Variants in LIMS4 observed in about 807,000 individuals in gnomAD.
LIMS4 encodes the protein LIM and senescent cell antigen-like-containing domain protein 4.
At chr2:110,396,165 T>G in the LIMS4 span, among the ~76,000 whole-genome samples, 18 of 98,886 alleles carry the variant, frequency 1.8e-4, no homozygotes, top group Non-Finnish European at 2.7e-4. Context: ...ACTGTCACTT[T>G]GAATTGTCAC....
chr2:110,367,799 T>A, the LIMS4 span, among the ~76,000 whole-genome samples: 3,597 of 100,650 alleles, frequency 0.036, 2 homozygotes, highest in Middle Eastern at 0.084. Context: ...GGGAAGATTG[T>A]TTGAGCCTGG....
the LIMS4 span, chr2:110,386,619 G>A: frequency 1.5e-6 from 1 of 652,796 alleles, no homozygotes; most frequent in Non-Finnish European, 2.7e-6. Flanking sequence ...GCGCACCCTG[G>A]GCCAGTGCTG....
At chr2:110,397,432 G>A in the LIMS4 span, 1 of 144,866 alleles carries the variant, frequency 6.9e-6, no homozygotes, top group African/African-American at 2.7e-5. Flanking sequence ...TGTACACCAT[G>A]GCCAGAAAGA....
chr2:110,419,653 C>T, the LIMS4 span, among the ~76,000 whole-genome samples: 1 of 6,578 alleles, frequency 1.5e-4, no homozygotes, highest in African/African-American at 1.8e-3. Flanking sequence ...ACAACAACAA[C>T]AACAAAAAAA....
chr2:110,367,397 A>C, the LIMS4 span, among the ~76,000 whole-genome samples: 2,076 of 126,428 alleles, frequency 0.016, 14 homozygotes, highest in East Asian at 0.03. Context: ...ACCATTAGAA[A>C]AGGATAAAGA....
chr2:110,360,704 C>A, the LIMS4 span: 2 of 1,604,298 alleles, frequency 1.2e-6, no homozygotes, highest in East Asian at 2.2e-5. Flanking sequence ...AAAGTTTTTG[C>A]GCACACTTTG....
chr2:110,367,406 G>A, the LIMS4 span, among the ~76,000 whole-genome samples: 4 of 143,992 alleles, frequency 2.8e-5, no homozygotes, highest in African/African-American at 5.7e-5. Flanking sequence ...AAAGGATAAA[G>A]AACCCAGAAA....
At chr2:110,359,151 T>C in the LIMS4 span, 1 of 150,302 alleles carries the variant, frequency 6.7e-6, no homozygotes, top group Non-Finnish European at 1.5e-5. Context: ...CCCACGTTTA[T>C]TTACATATGA....
the LIMS4 span, chr2:110,386,896 C>T: frequency 1.0e-5 from 7 of 678,144 alleles, 1 homozygote; most frequent in South Asian, 9.7e-5. Flanking sequence ...CCATCCAGCC[C>T]CTGTCTGGGA....
At chr2:110,366,954 C>T in the LIMS4 span, among the ~76,000 whole-genome samples, 1 of 143,122 alleles carries the variant, frequency 7.0e-6, no homozygotes, top group Non-Finnish European at 1.5e-5. Context: ...GACACACACA[C>T]ACACACACAC....
chr2:110,386,924 C>G, the LIMS4 span: 1 of 695,972 alleles, frequency 1.4e-6, no homozygotes, highest in South Asian at 1.6e-5. Flanking sequence ...GCTTACCATC[C>G]TGTGCTGGGG....
At chr2:110,382,866 C>T in the LIMS4 span, 3 of 153,618 alleles carry the variant, frequency 2.0e-5, no homozygotes, top group Admixed American at 6.8e-5. Context: ...TGGGCAGTGG[C>T]TGCTGATGGG....
chr2:110,368,933 A>T, the LIMS4 span, among the ~76,000 whole-genome samples: 1 of 132,360 alleles, frequency 7.6e-6, no homozygotes. Flanking sequence ...AGGAAATGCA[A>T]TCTGAAGTAG....
At chr2:110,424,295 A>AG in the LIMS4 span, among the ~76,000 whole-genome samples, 1 of 45,666 alleles carries the variant, frequency 2.2e-5, no homozygotes, top group Non-Finnish European at 4.3e-5. Flanking sequence ...ACCTCCCGAG[A>AG]GGGGGCGCGC....
chr2:110,368,724 A>G, the LIMS4 span, among the ~76,000 whole-genome samples: 1 of 122,512 alleles, frequency 8.2e-6, no homozygotes, highest in Non-Finnish European at 1.6e-5. Context: ...AAATGCCAAC[A>G]GCAGCCAATC....
the LIMS4 span, among the ~76,000 whole-genome samples, chr2:110,371,848 G>T: frequency 2.1e-5 from 3 of 144,746 alleles, 1 homozygote; most frequent in African/African-American, 5.6e-5. Flanking sequence ...TCCTCCACCT[G>T]CCTGAGGAGC....
the LIMS4 span, among the ~76,000 whole-genome samples, chr2:110,368,169 T>TAC: frequency 6.9e-6 from 1 of 145,226 alleles, no homozygotes; most frequent in Non-Finnish European, 1.5e-5. Context: ...TATGTACATA[T>TAC]ACACACACAT....
chr2:110,385,146 C>G, the LIMS4 span, among the ~76,000 whole-genome samples: 1 of 146,872 alleles, frequency 6.8e-6, no homozygotes, highest in Non-Finnish European at 1.5e-5. Context: ...GAGTGTAGGC[C>G]ATGGTGCCTA....
chr2:110,367,742 G>T, the LIMS4 span, among the ~76,000 whole-genome samples: 1 of 144,956 alleles, frequency 6.9e-6, no homozygotes, highest in Admixed American at 6.7e-5. Context: ...TTAGCTGGGC[G>T]TGGTGGCACA....
Sources: gnomAD v4.1 joint callset for allele counts (sites outside exome capture counted in the v4.1 genomes callset) on GRCh38, gnomAD v4.1.1 for gene constraint, MANE v1.5 for transcripts, NCBI Gene and HGNC (gene_info 2026-07-23, HGNC 2026-07-21) for gene names.